Variants in WNK3 observed in about 807,000 individuals in gnomAD.
WNK3 encodes the protein WNK lysine deficient protein kinase 3, also known as serine/threonine-protein kinase WNK3.
WNK3 carries 18 observed loss-of-function variants against 116.7 expected under a neutral mutation model. That is an observed-to-expected ratio of 0.15 (90% CI 0.11 to 0.23). The LOEUF (loss-of-function observed/expected upper bound fraction) is 0.23, where lower values mean the gene tolerates loss of function less well. Among genes scored for constraint, WNK3 ranks in the 10% least tolerant of loss-of-function variants. The pLI is 1.00. For synonymous variants in WNK3, 404 were observed against 469.4 expected, an observed-to-expected ratio of 0.86 and a Z score of 1.80; for missense variants, 993 against 1,323.8, an observed-to-expected ratio of 0.75 and a Z score of 3.88.
intron 17 of WNK3, among the ~76,000 whole-genome samples, chrX:54,245,879 G>A (rs1183239795): frequency 2.7e-5 from 3 of 111,853 alleles, no homozygotes; most frequent in Non-Finnish European, 3.8e-5. Flanking sequence ...AACTTTCATA[G>A]TGTTAAATTG....
intron 1 of WNK3, among the ~76,000 whole-genome samples, chrX:54,351,916 A>G (rs1557178574): frequency 8.9e-6 from 1 of 111,844 alleles, no homozygotes; most frequent in East Asian, 2.8e-4. Context: ...CATCTCAAAA[A>G]CAAAACAAAA....
At chrX:54,250,019 C>T in exon 16 of WNK3, 7 of 1,203,602 alleles carry the variant, frequency 5.8e-6, no homozygotes, top group Non-Finnish European at 7.8e-6. Flanking sequence ...GGCCAGGAAC[C>T]GCAGACATGG....
chrX:54,207,900 A>G (rs1348826605), intron 22 of WNK3, among the ~76,000 whole-genome samples: 1 of 109,676 alleles, frequency 9.1e-6, no homozygotes, highest in Non-Finnish European at 1.9e-5. Flanking sequence ...ATTCCCCTCA[A>G]CCCACTACAG....
At chrX:54,301,748 C>T (rs782540130) in intron 6 of WNK3, 23 bp downstream of exon 6, 5 of 1,172,365 alleles carry the variant, frequency 4.3e-6, no homozygotes, top group East Asian at 3.0e-5. Context: ...TCAGTTATGT[C>T]ATTTTGCTAC....
chrX:54,344,530 G>C (rs1386612572), intron 1 of WNK3, among the ~76,000 whole-genome samples: 1 of 112,921 alleles, frequency 8.9e-6, no homozygotes, highest in Non-Finnish European at 1.9e-5. Flanking sequence ...CAGTCTTTCA[G>C]CTTTGTGGTT....
Position 54,256,525 on chromosome X carries a change from G to A in WNK3, c.2103-638C>T, listed in dbSNP as rs141257413. On this transcript the variant is annotated intron_variant, in intron 11 of 23. Coordinates refer to ENST00000354646, the Ensembl canonical transcript of WNK3. ...GGAGGCTACCTTTTAGTTTATCTGC[G>A]TCAAAGGCATTTTTCAGGTTTTTCT... 5.4e-3 allele frequency among the ~76,000 whole-genome samples: 599 copies of A among 111,838 alleles called. 6 individuals are homozygous for A. Among genetic ancestry groups the A allele is most frequent in the African/African-American group, 0.018 (557 of 30,886 alleles).
chrX:54,198,308 C>T (rs2146683198), exon 24 of WNK3: 22 of 1,110,436 alleles, frequency 2.0e-5, no homozygotes, highest in Non-Finnish European at 2.6e-5. Context: ...CCCTTTTTAT[C>T]ACCATCTACT....
chrX:54,237,388 G>C, exon 20 of WNK3: 1 of 1,208,537 alleles, frequency 8.3e-7, no homozygotes, highest in Non-Finnish European at 1.1e-6. Flanking sequence ...ATAAGAAAAC[G>C]AAGTTTTTGG....
At chrX:54,255,272 G>A (rs1192080636) in intron 12 of WNK3, among the ~76,000 whole-genome samples, 7 of 111,561 alleles carry the variant, frequency 6.3e-5, no homozygotes, top group Non-Finnish European at 1.3e-4. Flanking sequence ...GAGCCACTGC[G>A]CCCGGCTCAC....
chrX:54,195,025 A>G (rs782336098), exon 24 of WNK3: 1 of 112,012 alleles, frequency 8.9e-6, no homozygotes, highest in East Asian at 2.8e-4. Context: ...TTGTTATATT[A>G]CAGCAAATTA....
At chrX:54,216,114 C>G (rs2067691169) in intron 22 of WNK3, among the ~76,000 whole-genome samples, 1 of 109,456 alleles carries the variant, frequency 9.1e-6, no homozygotes, top group Non-Finnish European at 1.9e-5. Flanking sequence ...ACTCCCTAAT[C>G]TCAAGTACCC....
exon 1 of WNK3, chrX:54,357,920 G>C (rs1020285134): frequency 6.2e-5 from 7 of 112,433 alleles, no homozygotes; most frequent in African/African-American, 2.3e-4. Context: ...CGAGCCCACC[G>C]GGCCAGCTAC....
In WNK3 at chrX:54,238,466, G is replaced by A. The variant is rs782127828; in HGVS notation, c.3890C>T (p.Thr1297Ile). ...AGCAATTGCTGATCTCATCTCTTCT[G>A]TTTCCACTGCAAGTTTTGCCAAATT... The change falls in exon 19 of 24, where the codon ACA (threonine) becomes ATA (isoleucine). Residue 1297 changes from threonine to isoleucine, a missense_variant. Physicochemically the swap from Thr to Ile is moderately conservative, Grantham distance 89 (BLOSUM62 -1). This residue lies in a region of WNK3 where 836 missense variants were observed against 976.5 expected (regional missense o/e 0.86). Transcript: ENST00000354646. The A allele has an allele frequency of 1.0e-5, 12 of 1,202,231 alleles. No individual in the cohort carries two copies. Among genetic ancestry groups the A allele is most frequent in the Non-Finnish European group, 1.3e-5 (12 of 892,751 alleles).
intron 17 of WNK3, among the ~76,000 whole-genome samples, chrX:54,240,304 CAA>C (rs1241150139): frequency 2.9e-5 from 2 of 69,854 alleles, no homozygotes; most frequent in Non-Finnish European, 2.9e-5. Context: ...ACTCTTGTTT[CAA>C]AAAAAAAAAA....
chrX:54,353,730 G>C (rs2069551939), intron 1 of WNK3, among the ~76,000 whole-genome samples: 1 of 107,876 alleles, frequency 9.3e-6, no homozygotes, highest in Non-Finnish European at 1.9e-5. Flanking sequence ...CTGGGTGACA[G>C]AGGGAGACTC....
At chrX:54,289,366 AGCT>A (rs1406628711) in intron 10 of WNK3, among the ~76,000 whole-genome samples, 8 of 110,899 alleles carry the variant, frequency 7.2e-5, no homozygotes, top group Non-Finnish European at 1.3e-4. Flanking sequence ...CACAAAGGGC[AGCT>A]GCTCAGGAGC....
At chrX:54,276,483 A>G (rs1270197919) in intron 10 of WNK3, among the ~76,000 whole-genome samples, 1 of 111,832 alleles carries the variant, frequency 8.9e-6, no homozygotes, top group Non-Finnish European at 1.9e-5. Context: ...ACTACAAATC[A>G]GTATCTGTCA....
chrX:54,333,401 A>G, exon 2 of WNK3: 1 of 1,211,773 alleles, frequency 8.3e-7, no homozygotes, highest in South Asian at 1.8e-5. Context: ...AAGGAAGCTT[A>G]TCTACTCTTG....
At chrX:54,215,495 A>G (rs782066182) in intron 22 of WNK3, among the ~76,000 whole-genome samples, 13 of 112,374 alleles carry the variant, frequency 1.2e-4, no homozygotes, top group Non-Finnish European at 1.7e-4. Context: ...TCAGTGCTCA[A>G]TGTTGCCCAG....
Sources: allele counts gnomAD v4.1 joint callset (sites outside exome capture counted in the v4.1 genomes callset), GRCh38; gene constraint gnomAD v4.1.1; regional missense constraint gnomAD v4.1.1; transcripts MANE v1.5; gene names NCBI Gene and HGNC (gene_info 2026-07-23, HGNC 2026-07-21).